Variants in OCA2 observed in about 807,000 individuals in gnomAD.
OCA2 encodes the protein P protein.
OCA2 carries 77 observed loss-of-function variants against 100.2 expected under a neutral mutation model. The ratio of observed to expected loss-of-function variants is 0.77; its 90% CI spans 0.64 to 0.93. The LOEUF is 0.93. Among genes scored for constraint, OCA2 ranks in the 40% least tolerant of loss-of-function variants. OCA2 has a pLI of 0.00. For missense variants in OCA2, 1,062 were observed against 1,089.1 expected, an observed-to-expected ratio of 0.98 and a Z score of 0.35; for synonymous variants, 432 against 439.2, an observed-to-expected ratio of 0.98 and a Z score of 0.21.
chr15:28,084,127 C>T lies in OCA2; in HGVS notation c.-21-2232G>A, dbSNP rs927446811. 5.3e-5 allele frequency among the ~76,000 whole-genome samples: 8 copies of T among 152,200 alleles called. No homozygotes were observed. The East Asian group carries it at 1.4e-3, about 26-fold the overall frequency. ...TTCTGAGAGTCGTGGGAGAGCTCAGCTCCTCTCTCCACCATGTGTGGACAC... is the reference window on the plus strand; with the variant it reads ...TTCTGAGAGTCGTGGGAGAGCTCAGTTCCTCTCTCCACCATGTGTGGACAC... On this transcript the variant is annotated intron_variant, in intron 1 of 23. Coordinates refer to ENST00000354638, the MANE Select transcript of OCA2 (RefSeq NM_000275.3).
At chr15:28,059,778 G>A (rs1372621815) in intron 2 of OCA2, among the ~76,000 whole-genome samples, 1 of 152,186 alleles carries the variant, frequency 6.6e-6, no homozygotes, top group East Asian at 1.9e-4. Context: ...CACGCACTGG[G>A]TCACTTCGTG....
chr15:27,905,628 G>A (rs1418775468), intron 19 of OCA2, among the ~76,000 whole-genome samples: 1 of 152,216 alleles, frequency 6.6e-6, no homozygotes, highest in Non-Finnish European at 1.5e-5. Flanking sequence ...GCAACCAAGT[G>A]GTCAAGTGGA....
chr15:27,935,562 C>T (rs909334669), intron 18 of OCA2, among the ~76,000 whole-genome samples: 15 of 152,218 alleles, frequency 9.9e-5, no homozygotes, highest in Admixed American at 9.8e-4. Context: ...GAAACTGAGG[C>T]TCCCGAAGAT....
At chr15:27,935,848 C>T (rs2039432025) in intron 18 of OCA2, among the ~76,000 whole-genome samples, 1 of 152,162 alleles carries the variant, frequency 6.6e-6, no homozygotes, top group South Asian at 2.1e-4. Context: ...CAGTTCCTTG[C>T]CCTGGACATT....
At chr15:28,089,729 A>C (rs912179428) in intron 1 of OCA2, among the ~76,000 whole-genome samples, 1 of 152,224 alleles carries the variant, frequency 6.6e-6, no homozygotes, top group Non-Finnish European at 1.5e-5. Flanking sequence ...TTACTTCTAA[A>C]ATAACAGTAT....
chr15:27,747,499 G>A, the OCA2 span, among the ~76,000 whole-genome samples: 1 of 152,206 alleles, frequency 6.6e-6, no homozygotes, highest in Non-Finnish European at 1.5e-5. Context: ...GGGAGCCAGT[G>A]TCAGGGTGAC....
chr15:28,089,506 C>G (rs930616274), intron 1 of OCA2, among the ~76,000 whole-genome samples: 1 of 152,128 alleles, frequency 6.6e-6, no homozygotes, highest in Non-Finnish European at 1.5e-5. Flanking sequence ...GTTCTTCTAC[C>G]ATGGCTTCAG....
At position 27,779,348 on chromosome 15, in the gene OCA2, G is replaced by A. The variant is rs549248407; in HGVS notation, c.2433-23876C>T. Among the ~76,000 whole-genome samples the A allele has an allele frequency of 5.9e-5, 9 of 152,268 alleles. No homozygotes were observed. In the East Asian group the frequency reaches 1.7e-3, roughly 29 times the overall value. ...CTGCCTGGATGTTCCATCTATTATTGAAAATGGAGTATTAACGTTTCCTAC... is the reference window on the plus strand; with the variant it reads ...CTGCCTGGATGTTCCATCTATTATTAAAAATGGAGTATTAACGTTTCCTAC... On this transcript the variant is annotated intron_variant, in intron 23 of 23. Transcript: ENST00000354638.
At chr15:27,770,522 G>A (rs535205014) in intron 23 of OCA2, among the ~76,000 whole-genome samples, 31 of 148,146 alleles carry the variant, frequency 2.1e-4, no homozygotes, top group African/African-American at 7.5e-4. Context: ...GCAGGCCGCC[G>A]GGCTCGCCCT....
rs2037513087 is a variant in OCA2 at position 27,892,642 on chromosome 15, C to T, written c.2080-20720G>A. The stretch of plus-strand genomic sequence containing the variant: ...TCATATCAACAATCTAAGTTCCTAC[C>T]TCAAAAACACTTGCCAAAAAAGAGT... On this transcript the variant is annotated intron_variant, in intron 19 of 23. Coordinates refer to ENST00000354638, the MANE Select transcript of OCA2 (RefSeq NM_000275.3). 2.0e-5 allele frequency among the ~76,000 whole-genome samples: 3 copies of T among 151,974 alleles called. No individual in the cohort carries two copies. In the South Asian group the frequency reaches 6.2e-4, roughly 32 times the overall value.
chr15:28,005,448 G>A (rs2042063586), intron 9 of OCA2, among the ~76,000 whole-genome samples: 1 of 152,154 alleles, frequency 6.6e-6, no homozygotes, highest in African/African-American at 2.4e-5. Context: ...CATCCAGCAG[G>A]TGCGCTACAT....
At chr15:28,094,940 C>T (rs1219694600) in intron 1 of OCA2, among the ~76,000 whole-genome samples, 1 of 152,210 alleles carries the variant, frequency 6.6e-6, no homozygotes, top group African/African-American at 2.4e-5. Context: ...TGACACCTGC[C>T]CTGCCGGGAA....
At chr15:27,844,855 G>A in intron 23 of OCA2, 104 bp downstream of exon 23, 1 of 857,988 alleles carries the variant, frequency 1.2e-6, no homozygotes. Flanking sequence ...CTCTCTACTT[G>A]CTAAAAATAT....
intron 2 of OCA2, among the ~76,000 whole-genome samples, chr15:28,081,288 T>C (rs767997839): frequency 3.9e-5 from 6 of 152,112 alleles, no homozygotes; most frequent in Non-Finnish European, 8.8e-5. Context: ...TTTTCTGACA[T>C]GAAAAACAAT....
chr15:28,057,811 C>CAG (rs145959162), intron 2 of OCA2, among the ~76,000 whole-genome samples: 25,831 of 152,032 alleles, frequency 0.17, 3,916 homozygotes, highest in African/African-American at 0.41. Flanking sequence ...ATCACAAAGA[C>CAG]GGGTGGGATT....
chr15:27,810,912 C>G (rs2034050195), intron 23 of OCA2, among the ~76,000 whole-genome samples: 1 of 152,098 alleles, frequency 6.6e-6, no homozygotes, highest in Admixed American at 6.5e-5. Context: ...AATGCTTTTA[C>G]CCTGTGGTGG....
chr15:27,896,360 C>T lies in OCA2; in HGVS notation c.2080-24438G>A, dbSNP rs16950499. On this transcript the variant is annotated intron_variant, in intron 19 of 23. Transcript: ENST00000354638. ...ATGAAGATGCTTACCAGAAACAGTTCGTTCAATACAGGAAGAACAGTGTAA... is the reference window on the plus strand; with the variant it reads ...ATGAAGATGCTTACCAGAAACAGTTTGTTCAATACAGGAAGAACAGTGTAA... The T allele has an allele frequency of 0.012, 9,375 of 764,852 alleles. 573 individuals are homozygous for T. In the African/African-American group the frequency reaches 0.13, roughly 11 times the overall value. The allele number at this position is 764,852 out of a possible 1,614,324, so 47.4% of individuals were successfully genotyped here.
intron 23 of OCA2, among the ~76,000 whole-genome samples, chr15:27,839,488 G>A (rs1367574369): frequency 2.0e-5 from 3 of 152,146 alleles, no homozygotes; most frequent in Non-Finnish European, 2.9e-5. Flanking sequence ...ATTTAGAAAG[G>A]CTAAAAGCTG....
rs539658421 is a variant in OCA2, at chr15:28,076,803, C to T, written c.227+4845G>A. Among the ~76,000 whole-genome samples, 14 of 144,346 alleles carry T rather than the reference C, an allele frequency of 9.7e-5. No individual in the cohort carries two copies. In the South Asian group the frequency reaches 2.2e-3, roughly 23 times the overall value. 94.7% of individuals were successfully genotyped at this position (144,346 alleles called of 152,430 possible). On this transcript the variant is annotated intron_variant, in intron 2 of 23. Coordinates refer to ENST00000354638, the MANE Select transcript of OCA2 (RefSeq NM_000275.3). ...CGGAGCTTGCAGTGAGCCGAGATTG[C>T]GCCACTGCAGTCCGCAGTCCGGCCT...
Sources: gnomAD v4.1 joint callset for allele counts (sites outside exome capture counted in the v4.1 genomes callset) on GRCh38, gnomAD v4.1.1 for gene constraint, MANE v1.5 for transcripts, NCBI Gene and HGNC (gene_info 2026-07-23, HGNC 2026-07-21) for gene names.